Variants in MTFR1 observed in about 807,000 individuals in gnomAD.
MTFR1 encodes the protein mitochondrial fission regulator 1.
In MTFR1, 28 loss-of-function variants were observed where a neutral mutation model predicts 38.8. The observed-to-expected ratio is 0.72, with a 90% CI of 0.53 to 0.99. The LOEUF (loss-of-function observed/expected upper bound fraction) is 0.99. MTFR1 is among the 50% of genes least tolerant of loss of function. The pLI is 0.00. For missense variants in MTFR1, 358 were observed against 395.5 expected (o/e 0.91, Z 0.81); for synonymous variants, 145 against 137.0 (o/e 1.06, Z -0.41).
downstream of MTFR1, among the ~76,000 whole-genome samples, chr8:65,713,124 T>C (rs1306034956): frequency 1.3e-5 from 2 of 152,220 alleles, no homozygotes; most frequent in African/African-American, 2.4e-5. Flanking sequence ...TTTTAAATTA[T>C]AGCCAACAAG....
chr8:65,769,469 G>A (rs924480768), intron 3 of MTFR1, among the ~76,000 whole-genome samples: 3 of 152,144 alleles, frequency 2.0e-5, no homozygotes, highest in South Asian at 2.1e-4. Flanking sequence ...AGAAGAATTC[G>A]TAATCATCAA....
At chr8:65,662,367 C>G (rs962363338) in intron 1 of MTFR1, among the ~76,000 whole-genome samples, 4 of 151,882 alleles carry the variant, frequency 2.6e-5, no homozygotes, top group African/African-American at 9.7e-5. Flanking sequence ...CCCGAGGTGC[C>G]GGGATGGCAG....
At chr8:65,657,172 C>T (rs1180441809) in intron 1 of MTFR1, among the ~76,000 whole-genome samples, 2 of 152,000 alleles carry the variant, frequency 1.3e-5, no homozygotes, top group Admixed American at 6.6e-5. Flanking sequence ...CACCACCACA[C>T]CCAGCTAATT....
chr8:65,708,109 GT>G lies in MTFR1; in HGVS notation c.933+100del, dbSNP rs767023055. 26 of 1,601,850 alleles carry G rather than the reference GT, an allele frequency of 1.6e-5. 1 individual carries two copies. In the South Asian group the frequency reaches 2.8e-4, roughly 17 times the overall value. On this transcript the variant is annotated intron_variant, in intron 7 of 7. Coordinates refer to ENST00000262146, the MANE Select transcript of MTFR1 (RefSeq NM_014637.4). ...AGTGATTCACCTGTGTCATCTGTAA[GT>G]TCCAAAGGGAGGTGATACAGGATTT...
chr8:65,765,239 C>T (rs1396963184), intron 3 of MTFR1, among the ~76,000 whole-genome samples: 1 of 151,932 alleles, frequency 6.6e-6, no homozygotes, highest in African/African-American at 2.4e-5. Flanking sequence ...CCTGTAATCC[C>T]AGCACTTTGG....
intron 3 of MTFR1, among the ~76,000 whole-genome samples, chr8:65,734,181 C>G (rs1400206120): frequency 6.6e-6 from 1 of 152,186 alleles, no homozygotes; most frequent in Non-Finnish European, 1.5e-5. Flanking sequence ...GCTCTACATT[C>G]CTCCTCTCAT....
chr8:65,705,288 C>T (rs896621831), intron 5 of MTFR1, among the ~76,000 whole-genome samples: 2 of 152,216 alleles, frequency 1.3e-5, no homozygotes, highest in African/African-American at 4.8e-5. Flanking sequence ...CATGCCACTG[C>T]ACTCCGGCCT....
intron 3 of MTFR1, chr8:65,682,842 G>T: frequency 9.1e-6 from 9 of 984,980 alleles, no homozygotes; most frequent in Non-Finnish European, 9.6e-6. Flanking sequence ...TTTATTTTTA[G>T]ATCTCTGTGG....
chr8:65,650,522 G>A (rs1809094766), intron 1 of MTFR1, among the ~76,000 whole-genome samples: 2 of 151,988 alleles, frequency 1.3e-5, no homozygotes, highest in Admixed American at 1.3e-4. Context: ...TAATTTTTAG[G>A]TCCCGTAATA....
At chr8:65,747,691 G>A (rs752352904) in intron 3 of MTFR1, 11 of 1,611,084 alleles carry the variant, frequency 6.8e-6, no homozygotes, top group Admixed American at 6.7e-5. Context: ...AAATGTTTAG[G>A]GAATTTGAAA....
chr8:65,649,048 T>G (rs1367636552), intron 1 of MTFR1, among the ~76,000 whole-genome samples: 2 of 148,098 alleles, frequency 1.4e-5, no homozygotes, highest in Non-Finnish European at 3.0e-5. Context: ...AATATGACAA[T>G]AAGAAACAAT....
At chr8:65,673,985 C>G (rs1456348459) in intron 2 of MTFR1, among the ~76,000 whole-genome samples, 4 of 152,212 alleles carry the variant, frequency 2.6e-5, no homozygotes, top group Admixed American at 2.6e-4. Context: ...TGAGCACATG[C>G]TGTTGGAGAA....
intron 1 of MTFR1, among the ~76,000 whole-genome samples, chr8:65,666,412 AAAAC>A (rs1265763907): frequency 1.3e-5 from 2 of 152,256 alleles, no homozygotes; most frequent in African/African-American, 4.8e-5. Context: ...TCTCAAAACA[AAAAC>A]AAAAACAAAA....
At chr8:65,678,531 A>G (rs1424260232) in intron 2 of MTFR1, among the ~76,000 whole-genome samples, 10 of 152,192 alleles carry the variant, frequency 6.6e-5, no homozygotes, top group Non-Finnish European at 1.5e-5. Flanking sequence ...AAAAATAATC[A>G]CATAAAGCAA....
intron 2 of MTFR1, among the ~76,000 whole-genome samples, chr8:65,670,785 A>G (rs559133094): frequency 6.6e-6 from 1 of 151,804 alleles, no homozygotes; most frequent in Admixed American, 6.6e-5. Context: ...GCTCACTGCA[A>G]CCTCTGCCTC....
At chr8:65,731,004 A>G (rs1806862220) in intron 3 of MTFR1, among the ~76,000 whole-genome samples, 1 of 152,186 alleles carries the variant, frequency 6.6e-6, no homozygotes, top group Non-Finnish European at 1.5e-5. Context: ...CCCATATACA[A>G]TATCATTCAT....
chr8:65,674,401 C>G (rs1310203074), intron 2 of MTFR1, among the ~76,000 whole-genome samples: 1 of 149,920 alleles, frequency 6.7e-6, no homozygotes, highest in Non-Finnish European at 1.5e-5. Flanking sequence ...CACTGGAGTT[C>G]AGGAGTTTGA....
intron 2 of MTFR1, chr8:65,718,074 T>C (rs541592957): frequency 6.6e-6 from 1 of 152,202 alleles, no homozygotes; most frequent in East Asian, 1.9e-4. Flanking sequence ...TGCACTTTTT[T>C]CAAATCAAAA....
chr8:65,692,514 A>G (rs531517527), intron 3 of MTFR1, among the ~76,000 whole-genome samples: 9 of 151,746 alleles, frequency 5.9e-5, no homozygotes, highest in African/African-American at 1.7e-4. Context: ...ATTTTTTTGT[A>G]TTTTCAGTAG....
Sources: allele counts gnomAD v4.1 joint callset (sites outside exome capture counted in the v4.1 genomes callset), GRCh38; gene constraint gnomAD v4.1.1; transcripts MANE v1.5; gene names NCBI Gene and HGNC (gene_info 2026-07-23, HGNC 2026-07-21).